EGFR: variants seen among roughly 807,000 people sequenced by gnomAD.
EGFR encodes epidermal growth factor receptor.
EGFR carries 58 observed loss-of-function variants against 143.0 expected under a neutral mutation model. That is an observed-to-expected ratio of 0.41 (90% CI 0.33 to 0.50). The LOEUF (loss-of-function observed/expected upper bound fraction) is 0.50. Among genes scored for constraint, EGFR ranks in the 20% least tolerant of loss-of-function variants. The pLI is 0.39. For missense variants in EGFR, 1,307 were observed against 1,579.0 expected, an observed-to-expected ratio of 0.83 and a Z score of 2.92; for synonymous variants, 613 against 594.4, an observed-to-expected ratio of 1.03 and a Z score of -0.45.
intron 1 of EGFR, among the ~76,000 whole-genome samples, chr7:55,131,525 C>T (rs1448929878): frequency 1.3e-5 from 2 of 152,206 alleles, no homozygotes; most frequent in African/African-American, 4.8e-5. Context: ...ACACCTCCAG[C>T]CTGAAGCAGC....
chr7:55,150,787 AC>A (rs1785111640), intron 4 of EGFR, among the ~76,000 whole-genome samples: 1 of 152,162 alleles, frequency 6.6e-6, no homozygotes, highest in Admixed American at 6.5e-5. Flanking sequence ...TTAACATTTC[AC>A]CCTCTGTGCA....
At chr7:55,141,143 C>T (rs1794435444) in intron 1 of EGFR, among the ~76,000 whole-genome samples, 1 of 152,152 alleles carries the variant, frequency 6.6e-6, no homozygotes, top group South Asian at 2.1e-4. Flanking sequence ...AGAACCTGGC[C>T]AAGGCTCAAT....
intron 1 of EGFR, among the ~76,000 whole-genome samples, chr7:55,030,734 G>A (rs894802685): frequency 6.6e-6 from 1 of 152,226 alleles, no homozygotes; most frequent in Non-Finnish European, 1.5e-5. Context: ...TTTACAAAAA[G>A]AGACAAACTT....
At chr7:55,099,837 A>AG (rs1343023844) in intron 1 of EGFR, among the ~76,000 whole-genome samples, 1 of 152,150 alleles carries the variant, frequency 6.6e-6, no homozygotes, top group Non-Finnish European at 1.5e-5. Flanking sequence ...AAAAAAAAAA[A>AG]AGAAAGGGGC....
At chr7:55,084,493 A>C (rs1211689894) in intron 1 of EGFR, among the ~76,000 whole-genome samples, 2 of 152,240 alleles carry the variant, frequency 1.3e-5, no homozygotes, top group Admixed American at 6.5e-5. Context: ...TGGGATGTTA[A>C]TTACATCTGC....
rs745490627 is a variant in EGFR, at chr7:55,200,397, G to C, written c.2930G>C (p.Arg977Pro). 6.2e-7 allele frequency: 1 copy of C among 1,613,934 alleles called. No homozygotes were observed. Among genetic ancestry groups the C allele is most frequent in the Non-Finnish European group, 8.5e-7 (1 of 1,180,012 alleles). Reference protein sequence around the residue: ...EFSKMARDPQRYLVIQGDERM... With the variant: ...EFSKMARDPQPYLVIQGDERM... ...TCCAAAATGGCCCGAGACCCCCAGC[G>C]CTACCTTGTCATTCAGGTACAAATT... Residue 977 changes from arginine to proline, a missense_variant, in exon 24 of 28, where the codon CGC (arginine) becomes CCC (proline). Physicochemically the swap from Arg to Pro is moderately radical, Grantham distance 103 (BLOSUM62 -2). Coordinates refer to ENST00000275493, the MANE Select transcript of EGFR (RefSeq NM_005228.5).
At chr7:55,191,926 G>A (rs1467648905) in intron 21 of EGFR, 52 bp downstream of exon 21, 1 of 1,608,686 alleles carries the variant, frequency 6.2e-7, no homozygotes. Flanking sequence ...CAGGGACCAG[G>A]CTGCCTTCCC....
intron 1 of EGFR, among the ~76,000 whole-genome samples, chr7:55,081,263 A>G (rs1444802834): frequency 3.3e-5 from 5 of 152,180 alleles, no homozygotes; most frequent in Non-Finnish European, 7.3e-5. Flanking sequence ...AAGGAACTGT[A>G]TTGTTTGGTA....
chr7:55,108,837 T>C (rs563832190), intron 1 of EGFR, among the ~76,000 whole-genome samples: 24 of 152,268 alleles, frequency 1.6e-4, no homozygotes, highest in African/African-American at 5.5e-4. Flanking sequence ...GGGCCAAAGT[T>C]TGACTTCATG....
At chr7:55,036,273 G>GT (rs1562657057) in intron 1 of EGFR, among the ~76,000 whole-genome samples, 1,583 of 34,756 alleles carry the variant, frequency 0.046, 151 homozygotes, top group African/African-American at 0.13. Flanking sequence ...TGTGTGTGTG[G>GT]GGGGGGGGGG....
intron 24 of EGFR, 65 bp from the exon 25 acceptor site, chr7:55,201,123 T>C (rs980181879): frequency 1.2e-6 from 2 of 1,609,044 alleles, no homozygotes; most frequent in Middle Eastern, 1.7e-4. Context: ...CCCCTGCTCC[T>C]ATAGCCAAGA....
At chr7:55,039,609 CA>C (rs546538735) in intron 1 of EGFR, among the ~76,000 whole-genome samples, 2 of 152,176 alleles carry the variant, frequency 1.3e-5, no homozygotes, top group Non-Finnish European at 2.9e-5. Context: ...AGAGACCAGG[CA>C]GTCGCTTGTG....
chr7:55,204,736 C>A (rs1245418487), intron 27 of EGFR, among the ~76,000 whole-genome samples: 1 of 146,380 alleles, frequency 6.8e-6, no homozygotes, highest in Non-Finnish European at 1.5e-5. Flanking sequence ...CACACACACA[C>A]AACTCATACC....
intron 19 of EGFR, among the ~76,000 whole-genome samples, chr7:55,176,458 G>A (rs1033801601): frequency 3.0e-4 from 45 of 152,246 alleles, no homozygotes; most frequent in African/African-American, 7.9e-4. Context: ...GGTGGCTTTC[G>A]CCTGTAATCC....
chr7:55,194,226 C>CTT (rs56129716), intron 22 of EGFR, among the ~76,000 whole-genome samples: 5 of 132,914 alleles, frequency 3.8e-5, no homozygotes, highest in East Asian at 2.1e-4. Context: ...TATTTTTTAA[C>CTT]TTTTTTTTTT....
At position 55,202,607 on chromosome 7, in the gene EGFR, ACCTTCCTCCCAGTG is replaced by A. The variant is rs1787899216; in HGVS notation, c.3257_3270del (p.Phe1086Ter). On this transcript the variant is annotated frameshift_variant, in exon 27 of 28. Coordinates refer to ENST00000275493, the MANE Select transcript of EGFR (RefSeq NM_005228.5). LOFTEE classifies it low-confidence loss of function (END_TRUNC). ...CTTGACTGAGGACAGCATAGACGACACCTTCCTCCCAGTGCCTGGTGAGTGGCTTGTCTGGAAAC... is the reference window on the plus strand; with the variant it reads ...CTTGACTGAGGACAGCATAGACGACACCTGGTGAGTGGCTTGTCTGGAAAC... 1 of 1,612,818 alleles carries A rather than the reference ACCTTCCTCCCAGTG, an allele frequency of 6.2e-7. No individual in the cohort carries two copies. Among genetic ancestry groups the A allele is most frequent in the Non-Finnish European group, 8.5e-7 (1 of 1,179,478 alleles).
At chr7:55,039,022 AG>A (rs1235242075) in intron 1 of EGFR, among the ~76,000 whole-genome samples, 1 of 151,736 alleles carries the variant, frequency 6.6e-6, no homozygotes, top group African/African-American at 2.4e-5. Flanking sequence ...CAGAGGTGGA[AG>A]TCTGTGGATG....
chr7:55,198,637 C>G, intron 22 of EGFR, 80 bp from the exon 23 acceptor site: 1 of 1,596,986 alleles, frequency 6.3e-7, no homozygotes. Context: ...AAACAGTAAC[C>G]AGTAATGATG....
chr7:55,201,793 A>G lies in EGFR; in HGVS notation c.3162+11A>G. 1 of 1,614,148 alleles carries G rather than the reference A, an allele frequency of 6.2e-7. No homozygotes were observed. Among genetic ancestry groups the G allele is most frequent in the South Asian group, 1.1e-5 (1 of 91,072 alleles). ...ATTGATAGAAATGGGGTATGTATGA[A>G]CACCTTATAAGCCAGAATTTACAGC... On this transcript the variant is annotated intron_variant, in intron 26 of 27. Transcript: ENST00000275493.
Sources: allele counts gnomAD v4.1 joint callset (sites outside exome capture counted in the v4.1 genomes callset), GRCh38; gene constraint gnomAD v4.1.1; transcripts MANE v1.5; gene names NCBI Gene and HGNC (gene_info 2026-07-23, HGNC 2026-07-21).